Variants in RNF43 observed in about 807,000 individuals in gnomAD.
RNF43 encodes the protein ring finger protein 43.
A neutral mutation model predicts 78.4 loss-of-function variants in RNF43; 37 were observed. That is an observed-to-expected ratio of 0.47 (90% CI 0.36 to 0.62). RNF43 has a LOEUF of 0.62. Ranked by LOEUF, RNF43 falls within the 20% of genes least tolerant of loss-of-function variation. The pLI is 0.00. For synonymous variants in RNF43, 347 were observed against 395.0 expected, an observed-to-expected ratio of 0.88 and a Z score of 1.44; for missense variants, 774 against 1,007.9, an observed-to-expected ratio of 0.77 and a Z score of 3.14.
intron 3 of RNF43, among the ~76,000 whole-genome samples, chr17:58,366,034 C>T (rs2143486223): frequency 6.6e-6 from 1 of 152,332 alleles, no homozygotes; most frequent in South Asian, 2.1e-4. Context: ...ATATCTTCTG[C>T]TCATCAAAAA....
At chr17:58,381,353 C>T (rs1363285081) in intron 2 of RNF43, among the ~76,000 whole-genome samples, 1 of 152,218 alleles carries the variant, frequency 6.6e-6, no homozygotes, top group Non-Finnish European at 1.5e-5. Flanking sequence ...GCTGACAGCC[C>T]TTTGACCACA....
intron 2 of RNF43, among the ~76,000 whole-genome samples, chr17:58,376,717 C>T (rs560955030): frequency 6.6e-6 from 1 of 152,280 alleles, no homozygotes; most frequent in African/African-American, 2.4e-5. Flanking sequence ...ACGATTTCTA[C>T]AGTGGGCCAC....
intron 2 of RNF43, among the ~76,000 whole-genome samples, chr17:58,390,219 G>A (rs1175936996): frequency 6.6e-6 from 1 of 152,044 alleles, no homozygotes; most frequent in Admixed American, 6.6e-5. Context: ...TGAGCAAAAT[G>A]GAATACAAAA....
At chr17:58,403,467 C>T (rs78927374) in intron 2 of RNF43, among the ~76,000 whole-genome samples, 364 of 152,268 alleles carry the variant, frequency 2.4e-3, no homozygotes, top group Non-Finnish European at 4.1e-3. Context: ...AGTTGGAAAC[C>T]CCCTGGGGAA....
chr17:58,383,491 C>G (rs6503859), intron 2 of RNF43, among the ~76,000 whole-genome samples: 37,830 of 151,898 alleles, frequency 0.25, 5,247 homozygotes, highest in South Asian at 0.36. Flanking sequence ...TTGGTAAAGA[C>G]AGGGTCTCCC....
intron 2 of RNF43, among the ~76,000 whole-genome samples, chr17:58,407,237 C>T (rs889899734): frequency 6.6e-6 from 1 of 151,852 alleles, no homozygotes; most frequent in Admixed American, 6.6e-5. Context: ...CACTACCACA[C>T]CCAGCTAATT....
chr17:58,375,772 G>T (rs1973193303), intron 2 of RNF43, among the ~76,000 whole-genome samples: 1 of 152,180 alleles, frequency 6.6e-6, no homozygotes, highest in African/African-American at 2.4e-5. Context: ...TTTTGCTGTT[G>T]TAGAAGAATA....
At chr17:58,405,877 G>A (rs1429488127) in intron 2 of RNF43, among the ~76,000 whole-genome samples, 1 of 152,156 alleles carries the variant, frequency 6.6e-6, no homozygotes, top group Non-Finnish European at 1.5e-5. Context: ...GTTGGACAAG[G>A]CTAAGGTGTT....
intron 2 of RNF43, among the ~76,000 whole-genome samples, chr17:58,385,134 C>G (rs72841015): frequency 3.3e-5 from 5 of 152,260 alleles, no homozygotes; most frequent in Non-Finnish European, 7.4e-5. Flanking sequence ...CTTCCTCTTA[C>G]TTTTCTTCCT....
intron 2 of RNF43, among the ~76,000 whole-genome samples, chr17:58,385,890 T>G (rs1308578927): frequency 6.6e-6 from 1 of 151,420 alleles, no homozygotes; most frequent in Admixed American, 6.6e-5. Flanking sequence ...GTGAATTACT[T>G]GAGTTCACAA....
chr17:58,407,863 C>A (rs975023681), intron 2 of RNF43, among the ~76,000 whole-genome samples: 1 of 152,172 alleles, frequency 6.6e-6, no homozygotes, highest in African/African-American at 2.4e-5. Context: ...CTACTAATCT[C>A]AAAACATGTG....
chr17:58,404,448 T>C (rs1973864201), intron 2 of RNF43, among the ~76,000 whole-genome samples: 1 of 152,234 alleles, frequency 6.6e-6, no homozygotes, highest in Non-Finnish European at 1.5e-5. Flanking sequence ...ACTTTTCATA[T>C]ACCCCAAGGG....
intron 2 of RNF43, among the ~76,000 whole-genome samples, chr17:58,401,303 C>A (rs992442138): frequency 6.6e-6 from 1 of 152,224 alleles, no homozygotes; most frequent in South Asian, 2.1e-4. Flanking sequence ...TTTTACAAGT[C>A]ATCTGGAGAA....
intron 6 of RNF43, among the ~76,000 whole-genome samples, chr17:58,361,558 G>T (rs1256713388): frequency 6.6e-6 from 1 of 152,152 alleles, no homozygotes; most frequent in African/African-American, 2.4e-5. Context: ...CCTCCCTGTA[G>T]TCTATTCTCA....
rs1350985021 is a variant in RNF43, at chr17:58,363,572, C to T, written c.404G>A (p.Ser135Asn). The T allele has an allele frequency of 6.2e-7, 1 of 1,612,542 alleles. No individual in the cohort carries two copies. Among genetic ancestry groups the T allele is most frequent in the South Asian group, 1.1e-5 (1 of 91,000 alleles). Residue 135 changes from serine (S) to asparagine (N), a missense_variant, in exon 4 of 10, where the codon AGT becomes AAT. Ser to Asn is a conservative substitution (Grantham distance 46, BLOSUM62 1). Transcript: ENST00000407977. ...KARMAGERGA[S>N]AVLFDITEDR... ...CTCAGTGATGTCAAAGAGGACAGCA[C>T]TGGCTCCTCGCTCACCCGCCATCCG...
intron 6 of RNF43, among the ~76,000 whole-genome samples, chr17:58,361,758 C>G (rs1972838226): frequency 6.6e-6 from 1 of 152,186 alleles, no homozygotes; most frequent in African/African-American, 2.4e-5. Context: ...TGCTGTTCCT[C>G]AGATACACTA....
At chr17:58,406,755 C>CTT (rs1213791214) in intron 2 of RNF43, among the ~76,000 whole-genome samples, 5 of 144,114 alleles carry the variant, frequency 3.5e-5, no homozygotes, top group African/African-American at 1.0e-4. Flanking sequence ...GAAATCTATA[C>CTT]TTTTTTTTTT....
chr17:58,414,836 C>T (rs139922849), intron 2 of RNF43, among the ~76,000 whole-genome samples: 57 of 152,236 alleles, frequency 3.7e-4, no homozygotes, highest in African/African-American at 1.3e-3. Context: ...GGTGTAAGGC[C>T]AGCCATAGCA....
Position 58,358,252 on chromosome 17 carries a change from T to G in RNF43, c.1524A>C (p.Leu508=), listed in dbSNP as rs771686002. 8 of 1,613,808 alleles carry G rather than the reference T, an allele frequency of 5.0e-6. No individual in the cohort carries two copies. The South Asian group carries it at 7.7e-5, about 16-fold the overall frequency. Residue 508 remains leucine, a synonymous_variant, in exon 9 of 10, where the codon CTA becomes CTC. Coordinates refer to ENST00000407977, the MANE Select transcript of RNF43 (RefSeq NM_017763.6). The surrounding 1 kb of genome is among the most constrained non-coding windows in gnomAD (Gnocchi z 6.2). ...GATCCCCTTTAGGGCTGCAGTACAC[T>G]AGGGGGTCAAAGTCACTGCTTAGGG... ...CSSLSSDFDP[L]VYCSPKGDPQ... is the part of the protein sequence containing the mutation.
Sources: allele counts gnomAD v4.1 joint callset (sites outside exome capture counted in the v4.1 genomes callset), GRCh38; gene constraint gnomAD v4.1.1; non-coding constraint Gnocchi (gnomAD v3.1); transcripts MANE v1.5; gene names NCBI Gene and HGNC (gene_info 2026-07-23, HGNC 2026-07-21).